Variants in SPATA17 observed in about 807,000 individuals in gnomAD.
SPATA17 encodes the protein spermatogenesis-associated protein 17.
Under a neutral mutation model 62.2 loss-of-function variants are expected in SPATA17, and 53 were observed. The observed-to-expected ratio is 0.85, with a 90% CI of 0.68 to 1.07. The LOEUF (loss-of-function observed/expected upper bound fraction) is 1.07, where lower values mean the gene tolerates loss of function less well. Among genes scored for constraint, SPATA17 ranks in the 50% least tolerant of loss-of-function variants. The probability of loss-of-function intolerance (pLI) is 0.00; values close to 1 mark genes in which losing one functional copy is unlikely to be tolerated. For missense variants in SPATA17, 466 were observed against 425.5 expected (o/e 1.10, Z -0.84); for synonymous variants, 146 against 146.8 (o/e 0.99, Z 0.04).
chr1:217,651,391 A>G (rs889244683), intron 3 of SPATA17, among the ~76,000 whole-genome samples: 11 of 152,308 alleles, frequency 7.2e-5, no homozygotes, highest in South Asian at 4.1e-4. Flanking sequence ...TACCCAAACT[A>G]CACTGATATT....
In SPATA17 at chr1:217,870,533, C is replaced by T. The variant is rs1429581373; in HGVS notation, c.*3514C>T. ...CTGTTTCTCCTGGAAAACTACTAGA[C>T]TACATCAACTTATATACTACTTCTT... On this transcript the variant is annotated 3_prime_UTR_variant, in exon 11 of 11. Transcript: ENST00000366933. The T allele has an allele frequency of 6.6e-6, 1 of 152,138 alleles. No individual in the cohort carries two copies. The highest frequency in any genetic ancestry group is 1.5e-5 in the Non-Finnish European group (1 of 68,030). 9.4% of individuals were successfully genotyped at this position (152,138 alleles called of 1,614,324 possible). A position where few individuals can be genotyped will look rare whatever the true frequency, so the allele number is the denominator to read the frequency against.
chr1:217,732,084 T>TTC (rs60691625), intron 5 of SPATA17, among the ~76,000 whole-genome samples: 456 of 148,830 alleles, frequency 3.1e-3, no homozygotes, highest in African/African-American at 5.2e-3. Flanking sequence ...TTACTCCAGT[T>TTC]TCTCTCTCTC....
intron 3 of SPATA17, among the ~76,000 whole-genome samples, chr1:217,663,439 C>A (rs1335971803): frequency 6.7e-6 from 1 of 150,080 alleles, no homozygotes; most frequent in Non-Finnish European, 1.5e-5. Context: ...GAGTGAAACT[C>A]CATCTCAAAA....
chr1:217,633,415 G>C (rs541476499), intron 1 of SPATA17, among the ~76,000 whole-genome samples: 20 of 151,852 alleles, frequency 1.3e-4, no homozygotes, highest in Admixed American at 1.1e-3. Flanking sequence ...TAGAGCTATA[G>C]AACAATGTTC....
chr1:217,657,239 C>G (rs1221976716), intron 3 of SPATA17, among the ~76,000 whole-genome samples: 1 of 152,178 alleles, frequency 6.6e-6, no homozygotes, highest in East Asian at 1.9e-4. Flanking sequence ...TCCCAGAAGC[C>G]ATAGGAATGC....
At chr1:217,716,308 C>T (rs1272409856) in intron 5 of SPATA17, among the ~76,000 whole-genome samples, 1 of 152,152 alleles carries the variant, frequency 6.6e-6, no homozygotes, top group South Asian at 2.1e-4. Flanking sequence ...TCAGTATGTC[C>T]TTTCAGACTG....
chr1:217,634,253 C>G (rs1047552690), intron 1 of SPATA17, among the ~76,000 whole-genome samples: 1 of 152,270 alleles, frequency 6.6e-6, no homozygotes, highest in South Asian at 2.1e-4. Flanking sequence ...CACACAGACC[C>G]GGTTGTGTGG....
Position 217,828,027 on chromosome 1 carries a change from T to A in SPATA17, c.1005+26177T>A, listed in dbSNP as rs568546777. Among the ~76,000 whole-genome samples, 7 of 152,188 alleles carry A rather than the reference T, an allele frequency of 4.6e-5. No individual in the cohort carries two copies. The East Asian group carries it at 1.4e-3, about 29-fold the overall frequency. On this transcript the variant is annotated intron_variant, in intron 9 of 10. Coordinates refer to ENST00000366933, the MANE Select transcript of SPATA17 (RefSeq NM_138796.4). ...AATGTGCACATTTGGCACACGTACC[T>A]GGGAACTTAAAAAAATTATAATGAC...
intron 4 of SPATA17, among the ~76,000 whole-genome samples, chr1:217,678,653 G>T (rs1671009781): frequency 6.6e-6 from 1 of 152,094 alleles, no homozygotes; most frequent in Non-Finnish European, 1.5e-5. Flanking sequence ...TCAAGGTTTT[G>T]CCATTTGTTT....
rs755563663 is a variant in SPATA17 at position 217,651,098 on chromosome 1, C to A, written c.160C>A (p.His54Asn). The A allele has an allele frequency of 7.4e-5, 119 of 1,599,642 alleles. No individual in the cohort carries two copies. Among genetic ancestry groups the A allele is most frequent in the Non-Finnish European group, 1.0e-4 (117 of 1,174,030 alleles). The change falls in exon 3 of 11, where the codon CAT becomes AAT. Residue 54 changes from histidine (H) to asparagine (N), a missense_variant and splice_region_variant. His to Asn is a moderately conservative substitution (Grantham distance 68, BLOSUM62 1). Coordinates refer to ENST00000366933, the MANE Select transcript of SPATA17 (RefSeq NM_138796.4). ...ATAAGCATATTTTTTTTATCCTAGG[C>A]ATTTAAACAGGATTGTAACAATTAT... Reference protein sequence around the residue: ...RGCQVRAYIRHLNRIVTIIQK... With the variant: ...RGCQVRAYIRNLNRIVTIIQK...
At chr1:217,856,864 G>A (rs568069239) in intron 9 of SPATA17, among the ~76,000 whole-genome samples, 7 of 152,238 alleles carry the variant, frequency 4.6e-5, no homozygotes, top group African/African-American at 7.2e-5. Flanking sequence ...GAATAATGCC[G>A]GGTGATCTTT....
intron 5 of SPATA17, among the ~76,000 whole-genome samples, chr1:217,697,816 T>A (rs767221706): frequency 2.3e-4 from 35 of 152,230 alleles, no homozygotes; most frequent in Non-Finnish European, 4.4e-4. Flanking sequence ...AGTTTGATGC[T>A]AAGGTAATGG....
intron 9 of SPATA17, among the ~76,000 whole-genome samples, chr1:217,834,354 A>G (rs1675212750): frequency 6.6e-6 from 1 of 152,144 alleles, no homozygotes; most frequent in South Asian, 2.1e-4. Flanking sequence ...TGAAAACAGC[A>G]TCAGGCAGGT....
chr1:217,768,193 C>A (rs1290632726), intron 6 of SPATA17, among the ~76,000 whole-genome samples: 1 of 151,856 alleles, frequency 6.6e-6, no homozygotes, highest in African/African-American at 2.4e-5. Flanking sequence ...TGCAGTGAGC[C>A]GAGATCGCTC....
chr1:217,720,790 G>GA (rs1672109171), intron 5 of SPATA17, among the ~76,000 whole-genome samples: 1 of 152,102 alleles, frequency 6.6e-6, no homozygotes, highest in East Asian at 1.9e-4. Context: ...TAGGCCTAAG[G>GA]AAGAGAACCC....
intron 6 of SPATA17, among the ~76,000 whole-genome samples, chr1:217,753,696 G>A (rs1406539087): frequency 6.6e-6 from 1 of 151,482 alleles, no homozygotes; most frequent in Non-Finnish European, 1.5e-5. Flanking sequence ...GTATGTATAT[G>A]CATATATACA....
At chr1:217,667,237 C>T (rs985391588) in intron 3 of SPATA17, among the ~76,000 whole-genome samples, 6 of 151,500 alleles carry the variant, frequency 4.0e-5, no homozygotes, top group Admixed American at 2.6e-4. Context: ...TTAGTAGAGA[C>T]GGGGTTTCAC....
chr1:217,734,687 G>A (rs1672472977), intron 5 of SPATA17, among the ~76,000 whole-genome samples: 1 of 152,238 alleles, frequency 6.6e-6, no homozygotes, highest in South Asian at 2.1e-4. Context: ...TTTTTTATTA[G>A]CAGTTGACTC....
At chr1:217,833,351 G>A (rs1675189463) in intron 9 of SPATA17, among the ~76,000 whole-genome samples, 1 of 152,126 alleles carries the variant, frequency 6.6e-6, no homozygotes, top group African/African-American at 2.4e-5. Context: ...CTCTCATATT[G>A]AAACTTACAT....
Sources: gnomAD v4.1 joint callset for allele counts (sites outside exome capture counted in the v4.1 genomes callset) on GRCh38, gnomAD v4.1.1 for gene constraint, MANE v1.5 for transcripts, NCBI Gene and HGNC (gene_info 2026-07-23, HGNC 2026-07-21) for gene names.